The following HRH1 variants were observed in gnomAD, a reference collection of about 807,000 sequenced individuals.
HRH1 encodes the protein histamine H1 receptor.
In HRH1, 6 loss-of-function variants were observed where a neutral mutation model predicts 10.3. That is an observed-to-expected ratio of 0.58 (90% CI 0.32 to 1.15). HRH1 has a LOEUF of 1.15. Among genes scored for constraint, HRH1 ranks in the 50% most tolerant of loss-of-function variants. HRH1 has a pLI of 0.05. For synonymous variants in HRH1, 242 were observed against 236.7 expected (o/e 1.02, Z -0.21); for missense variants, 514 against 615.3 (o/e 0.84, Z 1.74).
chr3:11,224,142 G>A (rs145980012), intron 1 of HRH1, among the ~76,000 whole-genome samples: 58 of 152,240 alleles, frequency 3.8e-4, no homozygotes, highest in African/African-American at 1.3e-3. Flanking sequence ...TTCTGAAGCC[G>A]TGCAATGTGC....
At chr3:11,143,798 T>A (rs1426761518) in intron 1 of HRH1, among the ~76,000 whole-genome samples, 1 of 152,146 alleles carries the variant, frequency 6.6e-6, no homozygotes, top group Non-Finnish European at 1.5e-5. Flanking sequence ...CCTCCAAGGG[T>A]TTGCTCGTGC....
chr3:11,243,865 C>T (rs1316388447), intron 1 of HRH1, among the ~76,000 whole-genome samples: 2 of 152,198 alleles, frequency 1.3e-5, no homozygotes, highest in Non-Finnish European at 2.9e-5. Flanking sequence ...CCAGTCACCA[C>T]GTTTGTCCCA....
At chr3:11,234,422 C>T in intron 1 of HRH1, 1 of 1,604,818 alleles carries the variant, frequency 6.2e-7, no homozygotes, top group African/African-American at 1.3e-5. Flanking sequence ...CCGGTCTACA[C>T]AGTCTGACCC....
chr3:11,252,953 G>T (rs898014555), intron 1 of HRH1, among the ~76,000 whole-genome samples: 1 of 151,810 alleles, frequency 6.6e-6, no homozygotes, highest in East Asian at 1.9e-4. Context: ...GGAGGGGAGG[G>T]GAGGAATTTT....
rs1451951828 is a variant in HRH1, at chr3:11,260,232, A to G, written c.1195A>G (p.Arg399Gly). 1.2e-6 allele frequency: 2 copies of G among 1,614,178 alleles called. No individual in the cohort carries two copies. The highest frequency in any genetic ancestry group is 2.2e-5 in the East Asian group (1 of 44,884). The stretch of plus-strand genomic sequence containing the variant: ...TTGGAAGAGGCTCCGCTCGCATTCA[A>G]GACAGTATGTATCTGGGTTGCACAT... ...FTWKRLRSHS[R>G]QYVSGLHMNR... Residue 399 changes from arginine (R) to glycine (G), a missense_variant, in exon 2 of 2, where the codon AGA becomes GGA. Physicochemically the swap from Arg to Gly is moderately radical, Grantham distance 125. Coordinates refer to ENST00000431010, the MANE Select transcript of HRH1 (RefSeq NM_001098212.2).
intron 1 of HRH1, among the ~76,000 whole-genome samples, chr3:11,146,911 G>A (rs878919639): frequency 6.6e-6 from 1 of 152,224 alleles, no homozygotes; most frequent in Non-Finnish European, 1.5e-5. Context: ...ACTCAGCAGT[G>A]ACCTGTGTGG....
rs780494876 is a variant in HRH1, at chr3:11,259,172, C to T, written c.135C>T (p.Asn45=). 6 of 1,613,962 alleles carry T rather than the reference C, an allele frequency of 3.7e-6. No individual in the cohort carries two copies. The Admixed American group carries it at 1.0e-4, about 27-fold the overall frequency. The change falls in exon 2 of 2, where the codon AAC becomes AAT. Residue 45 remains asparagine, a synonymous_variant. Coordinates refer to ENST00000431010, the MANE Select transcript of HRH1 (RefSeq NM_001098212.2). The surrounding 1 kb of genome is among the most constrained non-coding windows in gnomAD (Gnocchi z 4.6). ...TCTGCTTGGTCACAGTAGGGCTCAA[C>T]CTGCTGGTGCTGTATGCCGTACGGA... ...STICLVTVGL[N]LLVLYAVRSE...
chr3:11,144,345 A>ATGTGTG (rs112938608), intron 1 of HRH1, among the ~76,000 whole-genome samples: 5,892 of 139,866 alleles, frequency 0.042, 443 homozygotes, highest in African/African-American at 0.15. Context: ...TGATATGTAT[A>ATGTGTG]TGTGTGTGTG....
At chr3:11,184,219 C>T (rs1313238916) in intron 1 of HRH1, among the ~76,000 whole-genome samples, 1 of 152,188 alleles carries the variant, frequency 6.6e-6, no homozygotes, top group Non-Finnish European at 1.5e-5. Context: ...CTATATCTGA[C>T]AGGCACGATT....
chr3:11,138,180 A>AT (rs746775307), intron 1 of HRH1, among the ~76,000 whole-genome samples: 28,254 of 135,504 alleles, frequency 0.21, 3,305 homozygotes, highest in African/African-American at 0.29. Context: ...ACGTTTGGCT[A>AT]TTTTTTTTTT....
At chr3:11,164,318 A>G (rs1305585734) in intron 1 of HRH1, among the ~76,000 whole-genome samples, 2 of 151,982 alleles carry the variant, frequency 1.3e-5, no homozygotes, top group African/African-American at 4.8e-5. Context: ...AAGGGAAAGG[A>G]GATGTGATGG....
rs1034005701 is a variant in HRH1 at position 11,258,991 on chromosome 3, C to G, written c.-35-12C>G. ...AAGTCTCTGACCTTACTTTTTCTCT[C>G]TTTTCTCCCAGGGAGTGAGCCATAA... On this transcript the variant is annotated splice_polypyrimidine_tract_variant and intron_variant, in intron 1 of 1. Transcript: ENST00000431010. The G allele has an allele frequency of 2.0e-6, 3 of 1,531,484 alleles. No homozygotes were observed. Among genetic ancestry groups the G allele is most frequent in the East Asian group, 2.3e-5 (1 of 44,318 alleles). The allele number at this position is 1,531,484 out of a possible 1,614,324, so 94.9% of individuals were successfully genotyped here.
rs1936747608 is a variant in HRH1, at chr3:11,154,850, G to T, written c.-36+296G>T. ...GGCAGGGTGCGCGCCCTGAGCGTCC[G>T]TCTTTGAGCTCGGGCGAGCAGAGGG... On this transcript the variant is annotated intron_variant, in intron 1 of 1. Coordinates refer to ENST00000431010, the MANE Select transcript of HRH1 (RefSeq NM_001098212.2). The surrounding 1 kb of genome is among the most constrained non-coding windows in gnomAD (Gnocchi z 4.4). 6.6e-6 allele frequency among the ~76,000 whole-genome samples: 1 copy of T among 152,174 alleles called. No individual in the cohort carries two copies. Among genetic ancestry groups the T allele is most frequent in the African/African-American group, 2.4e-5 (1 of 41,452 alleles).
chr3:11,199,950 A>G (rs1937838607), intron 1 of HRH1, among the ~76,000 whole-genome samples: 2 of 152,198 alleles, frequency 1.3e-5, no homozygotes, highest in African/African-American at 2.4e-5. Flanking sequence ...TCAGCCCATC[A>G]TGGGAAACCT....
chr3:11,176,924 C>G (rs894999028), intron 1 of HRH1, among the ~76,000 whole-genome samples: 1 of 152,066 alleles, frequency 6.6e-6, no homozygotes, highest in Non-Finnish European at 1.5e-5. Flanking sequence ...GAAACTCCGT[C>G]TCTATGAAAA....
chr3:11,203,142 C>T (rs764749980), intron 1 of HRH1, among the ~76,000 whole-genome samples: 22 of 152,148 alleles, frequency 1.4e-4, no homozygotes, highest in Non-Finnish European at 2.1e-4. Flanking sequence ...ATAGTTTACC[C>T]ATTCACTTAC....
At chr3:11,141,039 G>T (rs547906288) in intron 1 of HRH1, among the ~76,000 whole-genome samples, 29 of 152,164 alleles carry the variant, frequency 1.9e-4, no homozygotes, top group Admixed American at 1.6e-3. Flanking sequence ...AAGCTATGAG[G>T]CCCAAGTAGA....
At chr3:11,171,757 C>T (rs975310068) in intron 1 of HRH1, among the ~76,000 whole-genome samples, 4 of 152,194 alleles carry the variant, frequency 2.6e-5, no homozygotes, top group Non-Finnish European at 5.9e-5. Flanking sequence ...ACTCTGGGAC[C>T]GCTCTCAAAA....
At chr3:11,200,349 A>G (rs1056514838) in intron 1 of HRH1, among the ~76,000 whole-genome samples, 34 of 152,216 alleles carry the variant, frequency 2.2e-4, no homozygotes, top group African/African-American at 7.7e-4. Flanking sequence ...TGTTACTCAC[A>G]GCCTAGATCA....
Sources: gnomAD v4.1 joint callset for allele counts (sites outside exome capture counted in the v4.1 genomes callset) on GRCh38, gnomAD v4.1.1 for gene constraint, Gnocchi (gnomAD v3.1) non-coding constraint, MANE v1.5 for transcripts, NCBI Gene and HGNC (gene_info 2026-07-23, HGNC 2026-07-21) for gene names.